The following UBXN7 variants were observed in gnomAD, a reference collection of about 807,000 sequenced individuals.
The protein encoded by UBXN7 is UBX domain-containing protein 7.
A neutral mutation model predicts 58.0 loss-of-function variants in UBXN7; 9 were observed. That is an observed-to-expected ratio of 0.16 (90% CI 0.09 to 0.27). The LOEUF (loss-of-function observed/expected upper bound fraction) is 0.27, where lower values mean the gene tolerates loss of function less well. Ranked by LOEUF, UBXN7 falls within the 10% of genes least tolerant of loss-of-function variation. The pLI is 1.00. For missense variants in UBXN7, 328 were observed against 599.6 expected (o/e 0.55, Z 4.73); for synonymous variants, 208 against 205.0 (o/e 1.01, Z -0.12).
In UBXN7 at chr3:196,356,573, G is replaced by T. The variant is rs1195189725; in HGVS notation, c.*112C>A. 13 of 1,188,826 alleles carry T rather than the reference G, an allele frequency of 1.1e-5. No individual in the cohort carries two copies. The highest frequency in any genetic ancestry group is 1.5e-5 in the Non-Finnish European group (13 of 853,854). The allele number at this position is 1,188,826 out of a possible 1,614,324, so 73.6% of individuals were successfully genotyped here. A position where few individuals can be genotyped will look rare whatever the true frequency, so the allele number is the denominator to read the frequency against. ...AGAAATAAGAGAAGGAAGGTGACTT[G>T]CTTGCCCAACTTTGGCTCTGTGGTC... On this transcript the variant is annotated 3_prime_UTR_variant, in exon 11 of 11. Transcript: ENST00000296328.
At chr3:196,432,151 G>T in intron 1 of UBXN7, 176 bp downstream of exon 1, 1 of 835,126 alleles carries the variant, frequency 1.2e-6, no homozygotes, top group Non-Finnish European at 2.0e-6. Flanking sequence ...GGGGGGGGCT[G>T]TCTCCCGCCT....
intron 8 of UBXN7, among the ~76,000 whole-genome samples, chr3:196,367,044 G>T (rs1198996482): frequency 6.6e-6 from 1 of 151,996 alleles, no homozygotes; most frequent in Non-Finnish European, 1.5e-5. Flanking sequence ...TTAGCCAGAT[G>T]CAGTGGTGTA....
At chr3:196,429,467 CATTT>C (rs886705714) in intron 1 of UBXN7, among the ~76,000 whole-genome samples, 1 of 152,172 alleles carries the variant, frequency 6.6e-6, no homozygotes, top group African/African-American at 2.4e-5. Flanking sequence ...ATAAGACTCA[CATTT>C]ATTTTTATTT....
intron 3 of UBXN7, chr3:196,400,097 T>C (rs1474204496): frequency 1.1e-4 from 17 of 151,908 alleles, no homozygotes; most frequent in Admixed American, 1.1e-3. Flanking sequence ...AGGGGTGAAC[T>C]GGCCCAGGTT....
chr3:196,399,292 T>C lies in UBXN7; in HGVS notation c.289+3660A>G, dbSNP rs1246455800. ...CATCAAGAACATTATTAAAGAAAACTGCTTTTAAATTAATTTATTATTTTT... is the reference window on the plus strand; with the variant it reads ...CATCAAGAACATTATTAAAGAAAACCGCTTTTAAATTAATTTATTATTTTT... On this transcript the variant is annotated intron_variant, in intron 3 of 10. Transcript: ENST00000296328. Among the ~76,000 whole-genome samples, 4 of 152,212 alleles carry C rather than the reference T, an allele frequency of 2.6e-5. No homozygotes were observed. The East Asian group carries it at 7.7e-4, about 29-fold the overall frequency.
intron 8 of UBXN7, among the ~76,000 whole-genome samples, chr3:196,365,724 A>G (rs1471453319): frequency 2.0e-5 from 3 of 152,234 alleles, no homozygotes; most frequent in African/African-American, 7.2e-5. Context: ...CTCTGACAAT[A>G]TAGTAAAATG....
intron 3 of UBXN7, among the ~76,000 whole-genome samples, chr3:196,401,767 T>TA (rs1482437381): frequency 0.011 from 903 of 81,988 alleles, 64 homozygotes; most frequent in African/African-American, 0.027. Context: ...CATCTCTATT[T>TA]TAAAAAAAAA....
chr3:196,378,214 C>A (rs183922930), intron 5 of UBXN7, among the ~76,000 whole-genome samples: 221 of 152,060 alleles, frequency 1.5e-3, no homozygotes, highest in African/African-American at 5.2e-3. Flanking sequence ...TTATAGGTAC[C>A]AAATAACCCA....
At chr3:196,365,606 A>G (rs1728642401) in intron 8 of UBXN7, among the ~76,000 whole-genome samples, 2 of 152,174 alleles carry the variant, frequency 1.3e-5, no homozygotes, top group African/African-American at 4.8e-5. Context: ...CTCTGGCCAG[A>G]CAGTCGGGGG....
intron 3 of UBXN7, among the ~76,000 whole-genome samples, 161 bp downstream of exon 3, chr3:196,402,791 T>G (rs1730033001): frequency 6.6e-6 from 1 of 152,224 alleles, no homozygotes; most frequent in Non-Finnish European, 1.5e-5. Flanking sequence ...CTTCACTCTT[T>G]GTGAGTCAAC....
chr3:196,401,818 GAGAAGAGAGAAGAGA>G (rs1729998742), intron 3 of UBXN7, among the ~76,000 whole-genome samples: 6 of 48,524 alleles, frequency 1.2e-4, no homozygotes, highest in African/African-American at 3.4e-4. Flanking sequence ...GAAAAGAAAA[GAGAAGAGAGAAGAGA>G]AGAGAAGAGA....
At chr3:196,370,932 G>A (rs1728815247) in intron 6 of UBXN7, among the ~76,000 whole-genome samples, 1 of 151,860 alleles carries the variant, frequency 6.6e-6, no homozygotes, top group Non-Finnish European at 1.5e-5. Context: ...AAGAAACTGA[G>A]GTGGAAGGAT....
intron 3 of UBXN7, among the ~76,000 whole-genome samples, chr3:196,401,296 TATACACACACACAC>T (rs1168435919): frequency 5.2e-5 from 4 of 77,404 alleles, no homozygotes; most frequent in Non-Finnish European, 9.1e-5. Flanking sequence ...TATATATATA[TATACACACACACAC>T]ACACACACAC....
chr3:196,384,199 G>A (rs1483119909), intron 5 of UBXN7, among the ~76,000 whole-genome samples: 1 of 152,090 alleles, frequency 6.6e-6, no homozygotes, highest in Non-Finnish European at 1.5e-5. Flanking sequence ...AGAAAATCTA[G>A]AAGAAATGGG....
intron 5 of UBXN7, among the ~76,000 whole-genome samples, chr3:196,376,316 G>C (rs1399772173): frequency 3.3e-5 from 5 of 151,970 alleles, no homozygotes; most frequent in Non-Finnish European, 5.9e-5. Flanking sequence ...GCCGAGGTGG[G>C]TGGATCACCT....
At chr3:196,396,529 G>A (rs1195320168) in intron 3 of UBXN7, among the ~76,000 whole-genome samples, 6 of 152,286 alleles carry the variant, frequency 3.9e-5, no homozygotes, top group African/African-American at 1.2e-4. Context: ...TTGGGAGACC[G>A]AGGTGGGTGG....
At chr3:196,409,008 T>C (rs1186996036) in intron 1 of UBXN7, among the ~76,000 whole-genome samples, 4 of 152,182 alleles carry the variant, frequency 2.6e-5, no homozygotes, top group Admixed American at 2.6e-4. Flanking sequence ...CATACTTATT[T>C]CCTCTGTAAC....
rs1245770254 is a variant in UBXN7 at position 196,354,960 on chromosome 3, T to A, written c.*1725A>T. 1 of 152,094 alleles carries A rather than the reference T, an allele frequency of 6.6e-6. No individual in the cohort carries two copies. Among genetic ancestry groups the A allele is most frequent in the Non-Finnish European group, 1.5e-5 (1 of 68,004 alleles). 9.4% of individuals were successfully genotyped at this position (152,094 alleles called of 1,614,324 possible). A position where few individuals can be genotyped will look rare whatever the true frequency, so the allele number is the denominator to read the frequency against. ...GGACTCACTGAAGAATAAACAGATTTTTCCATGATTTCCTTGAGGAGATAT... is the reference window on the plus strand; with the variant it reads ...GGACTCACTGAAGAATAAACAGATTATTCCATGATTTCCTTGAGGAGATAT... On this transcript the variant is annotated 3_prime_UTR_variant, in exon 11 of 11. Coordinates refer to ENST00000296328, the MANE Select transcript of UBXN7 (RefSeq NM_015562.2).
intron 1 of UBXN7, among the ~76,000 whole-genome samples, chr3:196,408,350 TACTC>T (rs1265274203): frequency 6.6e-6 from 1 of 152,128 alleles, no homozygotes; most frequent in African/African-American, 2.4e-5. Context: ...GAAACAAAAA[TACTC>T]ATTCCTTTTT....
Sources: allele counts gnomAD v4.1 joint callset (sites outside exome capture counted in the v4.1 genomes callset), GRCh38; gene constraint gnomAD v4.1.1; transcripts MANE v1.5; gene names NCBI Gene and HGNC (gene_info 2026-07-23, HGNC 2026-07-21).